CACNA2D1: variants seen among roughly 807,000 people sequenced by gnomAD.
CACNA2D1 encodes the protein calcium voltage-gated channel auxiliary subunit alpha2delta 1, also known as voltage-dependent calcium channel subunit alpha-2/delta-1.
Under a neutral mutation model 171.5 loss-of-function variants are expected in CACNA2D1, and 53 were observed. That is an observed-to-expected ratio of 0.31 (90% CI 0.25 to 0.39). CACNA2D1 has a LOEUF of 0.39. Ranked by LOEUF, CACNA2D1 falls within the 10% of genes least tolerant of loss-of-function variation. The pLI is 1.00. For synonymous variants in CACNA2D1, 442 were observed against 443.1 expected (o/e 1.00, Z 0.03); for missense variants, 903 against 1,299.8 (o/e 0.69, Z 4.69).
At chr7:82,138,450 T>TTTTTTTTTTTTTTG (rs1791964182) in intron 4 of CACNA2D1, among the ~76,000 whole-genome samples, 1 of 15,620 alleles carries the variant, frequency 6.4e-5, no homozygotes, top group African/African-American at 8.3e-4. Context: ...GTTTTTTTTG[T>TTTTTTTTTTTTTTG]TTTTTTTTTT....
intron 1 of CACNA2D1, among the ~76,000 whole-genome samples, chr7:82,355,927 T>C (rs1820369621): frequency 6.6e-6 from 1 of 152,078 alleles, no homozygotes; most frequent in South Asian, 2.1e-4. Context: ...TTCAAATATG[T>C]ATAAAATTGA....
intron 7 of CACNA2D1, among the ~76,000 whole-genome samples, chr7:82,071,114 G>A (rs190081660): frequency 1.6e-4 from 24 of 152,214 alleles, no homozygotes; most frequent in Admixed American, 1.2e-3. Context: ...CCTGATCTGC[G>A]GCAATGCTGT....
In CACNA2D1 at chr7:82,204,063, G is replaced by A. The variant is rs116226758; in HGVS notation, c.295-33454C>T. ...CACCCCTAGACCTCAAGCCTTCACCGTTTAAGGAAGGGCATCCTCCATTCC... is the reference window on the plus strand; with the variant it reads ...CACCCCTAGACCTCAAGCCTTCACCATTTAAGGAAGGGCATCCTCCATTCC... On this transcript the variant is annotated intron_variant, in intron 3 of 38. Transcript: ENST00000356860. Among the ~76,000 whole-genome samples, 1,499 of 152,302 alleles carry A rather than the reference G, an allele frequency of 9.8e-3. 27 individuals are homozygous for A. Among genetic ancestry groups the A allele is most frequent in the African/African-American group, 0.034 (1,422 of 41,570 alleles).
chr7:82,147,143 G>T (rs887844484), intron 4 of CACNA2D1, among the ~76,000 whole-genome samples: 10 of 151,832 alleles, frequency 6.6e-5, no homozygotes, highest in Admixed American at 2.6e-4. Context: ...TAAAAGGTAG[G>T]CTACTTTCAC....
chr7:82,243,651 T>C (rs759836276), intron 3 of CACNA2D1, among the ~76,000 whole-genome samples: 17 of 152,108 alleles, frequency 1.1e-4, no homozygotes, highest in Non-Finnish European at 2.1e-4. Flanking sequence ...GTTGTCACGA[T>C]CCCCCTTCAG....
intron 1 of CACNA2D1, among the ~76,000 whole-genome samples, chr7:82,361,848 C>G (rs562275481): frequency 6.6e-6 from 1 of 152,224 alleles, no homozygotes; most frequent in East Asian, 1.9e-4. Flanking sequence ...TATATTCTCT[C>G]TTATGGGGTA....
intron 3 of CACNA2D1, among the ~76,000 whole-genome samples, chr7:82,273,352 G>A (rs1311084377): frequency 2.0e-5 from 3 of 151,692 alleles, no homozygotes; most frequent in Non-Finnish European, 4.4e-5. Context: ...GATATTTGTG[G>A]TATTAAAAAC....
At chr7:82,025,579 G>C (rs1290682114) in intron 12 of CACNA2D1, among the ~76,000 whole-genome samples, 2 of 151,460 alleles carry the variant, frequency 1.3e-5, no homozygotes, top group Admixed American at 1.3e-4. Context: ...TCTATATTTA[G>C]ATCATGTCAT....
chr7:82,166,940 T>A (rs971603071), intron 4 of CACNA2D1, among the ~76,000 whole-genome samples: 12 of 152,178 alleles, frequency 7.9e-5, no homozygotes, highest in Non-Finnish European at 1.8e-4. Context: ...TTTGTTCTTG[T>A]TGTTCATGAG....
chr7:82,155,670 C>T (rs6976155), intron 4 of CACNA2D1, among the ~76,000 whole-genome samples: 60,590 of 152,000 alleles, frequency 0.4, 12,314 homozygotes, highest in Middle Eastern at 0.53. Flanking sequence ...CTAGATTTGA[C>T]TCTAAAGTGG....
chr7:82,306,333 A>G (rs1474169290), intron 3 of CACNA2D1, among the ~76,000 whole-genome samples: 1 of 152,174 alleles, frequency 6.6e-6, no homozygotes, highest in East Asian at 1.9e-4. Flanking sequence ...GAATTTGCCA[A>G]CCTCTCAGGT....
chr7:82,147,900 G>T (rs1030103281), intron 4 of CACNA2D1, among the ~76,000 whole-genome samples: 6 of 152,080 alleles, frequency 3.9e-5, no homozygotes, highest in Non-Finnish European at 5.9e-5. Context: ...GGAAATAAAG[G>T]TAGTACAGGG....
At chr7:82,375,742 T>C (rs1822949662) in intron 1 of CACNA2D1, among the ~76,000 whole-genome samples, 1 of 152,186 alleles carries the variant, frequency 6.6e-6, no homozygotes, top group African/African-American at 2.4e-5. Flanking sequence ...TTTAGCACAG[T>C]GCTTAGTAAA....
chr7:82,128,033 C>G (rs905257950), intron 5 of CACNA2D1, among the ~76,000 whole-genome samples: 1 of 152,122 alleles, frequency 6.6e-6, no homozygotes, highest in African/African-American at 2.4e-5. Flanking sequence ...AAGCAATCTT[C>G]CCACCTCAGC....
chr7:82,185,384 C>A (rs2129176092), intron 3 of CACNA2D1, among the ~76,000 whole-genome samples: 1 of 148,940 alleles, frequency 6.7e-6, no homozygotes, highest in South Asian at 2.2e-4. Context: ...AAACATTACC[C>A]ACCCCGATAA....
intron 8 of CACNA2D1, among the ~76,000 whole-genome samples, chr7:82,065,711 A>G (rs1403560870): frequency 6.6e-6 from 1 of 152,174 alleles, no homozygotes; most frequent in Non-Finnish European, 1.5e-5. Context: ...GATTTCATAA[A>G]TAAGTTTCCA....
At chr7:82,384,147 G>A (rs1159948191) in intron 1 of CACNA2D1, among the ~76,000 whole-genome samples, 1 of 152,186 alleles carries the variant, frequency 6.6e-6, no homozygotes, top group Non-Finnish European at 1.5e-5. Flanking sequence ...GAATTAAGGT[G>A]ACAATTGAAG....
chr7:82,265,402 A>G (rs1387385828), intron 3 of CACNA2D1, among the ~76,000 whole-genome samples: 1 of 137,924 alleles, frequency 7.3e-6, no homozygotes, highest in Non-Finnish European at 1.6e-5. Context: ...ATGCATATTA[A>G]CAATTTTTCC....
chr7:82,091,100 TA>T (rs1366717439), intron 6 of CACNA2D1, among the ~76,000 whole-genome samples: 1 of 152,170 alleles, frequency 6.6e-6, no homozygotes, highest in Non-Finnish European at 1.5e-5. Flanking sequence ...GAATCCACTT[TA>T]AGGAGTAGAC....
Sources: gnomAD v4.1 joint callset for allele counts (sites outside exome capture counted in the v4.1 genomes callset) on GRCh38, gnomAD v4.1.1 for gene constraint, MANE v1.5 for transcripts, NCBI Gene and HGNC (gene_info 2026-07-23, HGNC 2026-07-21) for gene names.